PCDHA13: variants seen among roughly 807,000 people sequenced by gnomAD.
PCDHA13 encodes the protein protocadherin alpha 13.
In PCDHA13, 54 loss-of-function variants were observed where a neutral mutation model predicts 64.8. The ratio of observed to expected loss-of-function variants is 0.83; its 90% CI spans 0.67 to 1.04. The LOEUF is 1.04. PCDHA13 is among the 50% of genes least tolerant of loss of function. The pLI, the probability that PCDHA13 is intolerant of heterozygous loss-of-function variation, is 0.00. For synonymous variants in PCDHA13, 587 were observed against 564.4 expected (o/e 1.04, Z -0.57); for missense variants, 1,248 against 1,254.3 (o/e 0.99, Z 0.08).
chr5:140,920,277 T>C (rs1275415444), intron 1 of PCDHA13, among the ~76,000 whole-genome samples: 1 of 152,230 alleles, frequency 6.6e-6, no homozygotes, highest in African/African-American at 2.4e-5. Context: ...TTATGTAATC[T>C]TATATTTTTT....
intron 1 of PCDHA13, among the ~76,000 whole-genome samples, chr5:140,941,241 T>TTCTTTCTTTCTTTCTTTCTC (rs1585048929): frequency 7.1e-6 from 1 of 140,568 alleles, no homozygotes; most frequent in East Asian, 2.0e-4. Context: ...CTTTCTTTCT[T>TTCTTTCTTTCTTTCTTTCTC]TCTTTCTTTC....
Position 140,883,886 on chromosome 5 carries a change from T to G in PCDHA13, c.1618T>G (p.Ser540Ala), listed in dbSNP as rs147704126. ...LLQFQVSARD[S>A]GVPPLGSNVT... ...GCAGTTCCAGGTGAGCGCGCGCGAC[T>G]CTGGCGTGCCGCCTCTGGGCAGCAA... The change falls in exon 1 of 4, where the codon TCT (serine) becomes GCT (alanine). Residue 540 changes from serine (S) to alanine (A), a missense_variant. Ser to Ala is a moderately conservative substitution (Grantham distance 99). Transcript: ENST00000289272. The G allele has an allele frequency of 2.5e-5, 41 of 1,613,036 alleles. No homozygotes were observed. The African/African-American group carries it at 2.7e-4, about 11-fold the overall frequency.
chr5:140,959,031 G>A (rs1554223798), intron 1 of PCDHA13, among the ~76,000 whole-genome samples: 1 of 151,806 alleles, frequency 6.6e-6, no homozygotes, highest in Non-Finnish European at 1.5e-5. Flanking sequence ...CTTTATCATG[G>A]GTATGTATGT....
intron 1 of PCDHA13, among the ~76,000 whole-genome samples, chr5:140,953,228 G>A (rs2094861370): frequency 6.6e-6 from 1 of 152,124 alleles, no homozygotes; most frequent in South Asian, 2.1e-4. Flanking sequence ...CTTCTGCTTG[G>A]TAGCAGTTCA....
intron 1 of PCDHA13, chr5:140,928,429 T>A: frequency 6.2e-7 from 1 of 1,614,146 alleles, no homozygotes; most frequent in Non-Finnish European, 8.5e-7. Flanking sequence ...CAAAACTTCC[T>A]TTGACTTTGA....
intron 2 of PCDHA13, among the ~76,000 whole-genome samples, chr5:140,981,130 CAA>C (rs1267278229): frequency 6.6e-6 from 1 of 152,186 alleles, no homozygotes; most frequent in East Asian, 1.9e-4. Flanking sequence ...TGTTTGAAGT[CAA>C]AGAGTGAGAA....
At chr5:140,951,407 A>C (rs115221257) in intron 1 of PCDHA13, among the ~76,000 whole-genome samples, 1 of 152,068 alleles carries the variant, frequency 6.6e-6, no homozygotes, top group Admixed American at 6.6e-5. Flanking sequence ...AAAGAGGTTT[A>C]ATTGGCTCAC....
rs782619715 is a variant in PCDHA13, at chr5:140,883,236, T to C, written c.968T>C (p.Val323Ala). 1.2e-5 allele frequency: 20 copies of C among 1,613,888 alleles called. No individual in the cohort carries two copies. Among genetic ancestry groups the C allele is most frequent in the Non-Finnish European group, 1.7e-5 (20 of 1,180,006 alleles). The change falls in exon 1 of 4, where the codon GTT becomes GCT. Residue 323 changes from valine to alanine, a missense_variant. By Grantham distance (64) the Val-to-Ala change is moderately conservative. Coordinates refer to ENST00000289272, the MANE Select transcript of PCDHA13 (RefSeq NM_018904.3). ...KKLYEISVEA[V>A]DKGNIPMAGH... ...TTATATGAAATATCCGTGGAGGCAGTTGACAAAGGAAATATTCCAATGGCG... is the reference window on the plus strand; with the variant it reads ...TTATATGAAATATCCGTGGAGGCAGCTGACAAAGGAAATATTCCAATGGCG...
At chr5:140,898,306 G>T (rs192633483) in intron 1 of PCDHA13, among the ~76,000 whole-genome samples, 3 of 152,228 alleles carry the variant, frequency 2.0e-5, no homozygotes, top group African/African-American at 4.8e-5. Flanking sequence ...TTTCTTCTAG[G>T]GTTTTTATGG....
intron 3 of PCDHA13, among the ~76,000 whole-genome samples, chr5:140,998,588 G>A (rs1315091552): frequency 6.7e-6 from 1 of 148,536 alleles, no homozygotes; most frequent in African/African-American, 2.5e-5. Context: ...TTTTGAGACA[G>A]AGTTTTGCTC....
At chr5:140,983,463 C>T (rs1554245464) in intron 3 of PCDHA13, among the ~76,000 whole-genome samples, 1 of 152,208 alleles carries the variant, frequency 6.6e-6, no homozygotes, top group Non-Finnish European at 1.5e-5. Flanking sequence ...AATAGAACAT[C>T]ATGATGATAA....
chr5:140,897,424 T>G (rs2066099863), intron 1 of PCDHA13, among the ~76,000 whole-genome samples: 1 of 148,866 alleles, frequency 6.7e-6, no homozygotes, highest in Non-Finnish European at 1.5e-5. Flanking sequence ...CATCTATGAG[T>G]GAGAACATGC....
intron 3 of PCDHA13, among the ~76,000 whole-genome samples, chr5:141,008,308 TA>T (rs1554261716): frequency 6.6e-6 from 1 of 152,214 alleles, no homozygotes; most frequent in East Asian, 1.9e-4. Flanking sequence ...CCCTAAACTG[TA>T]ATTGAACATA....
At chr5:140,895,332 G>C (rs1021596445) in intron 1 of PCDHA13, among the ~76,000 whole-genome samples, 1 of 151,584 alleles carries the variant, frequency 6.6e-6, no homozygotes, top group South Asian at 2.1e-4. Context: ...TTCTCAAATT[G>C]TTTTACTATG....
At chr5:141,002,273 A>G (rs1040927044) in intron 3 of PCDHA13, among the ~76,000 whole-genome samples, 42 of 152,308 alleles carry the variant, frequency 2.8e-4, no homozygotes, top group African/African-American at 8.9e-4. Context: ...AGAGCTGGTA[A>G]CAAAGGGATG....
Position 140,884,019 on chromosome 5 carries a change from C to G in PCDHA13, c.1751C>G (p.Ser584Trp). ...ACAGTGAGCGAGCTGATGCCGCGGT[C>G]GGTGGGTGCAGGCCACGTGGTGGCG... ...GGTVSELMPRSVGAGHVVAKV... is the reference protein window; with the variant it reads ...GGTVSELMPRWVGAGHVVAKV... Residue 584 changes from serine to tryptophan, a missense_variant, in exon 1 of 4, where the codon TCG becomes TGG. Transcript: ENST00000289272. 6.2e-7 allele frequency: 1 copy of G among 1,613,216 alleles called. No homozygotes were observed.
intron 3 of PCDHA13, among the ~76,000 whole-genome samples, chr5:141,007,284 C>T (rs2098312696): frequency 6.6e-6 from 1 of 151,430 alleles, no homozygotes; most frequent in Admixed American, 6.6e-5. Context: ...GTGCAGTGGG[C>T]TCATGCCTGT....
rs577022008 is a variant in PCDHA13, at chr5:140,921,827, C to T, written c.2394+37165C>T. Among the ~76,000 whole-genome samples, 6 of 151,924 alleles carry T rather than the reference C, an allele frequency of 3.9e-5. No homozygotes were observed. In the South Asian group the frequency reaches 1.2e-3, roughly 32 times the overall value. On this transcript the variant is annotated intron_variant, in intron 1 of 3. Coordinates refer to ENST00000289272, the MANE Select transcript of PCDHA13 (RefSeq NM_018904.3). Reference sequence around the variant, plus strand: ...TAAGATACATGTGTGAATATCTATACACATATAGACATATTTATAGATGTG... The same window carrying T: ...TAAGATACATGTGTGAATATCTATATACATATAGACATATTTATAGATGTG...
intron 1 of PCDHA13, among the ~76,000 whole-genome samples, chr5:140,950,272 C>G (rs928839890): frequency 2.0e-5 from 3 of 151,950 alleles, no homozygotes; most frequent in Non-Finnish European, 4.4e-5. Flanking sequence ...TCCATAATGT[C>G]TTTTTGCTTC....
Sources: gnomAD v4.1 joint callset for allele counts (sites outside exome capture counted in the v4.1 genomes callset) on GRCh38, gnomAD v4.1.1 for gene constraint, MANE v1.5 for transcripts, NCBI Gene and HGNC (gene_info 2026-07-23, HGNC 2026-07-21) for gene names.